Variants in FSD1 observed in about 807,000 individuals in gnomAD.
The protein encoded by FSD1 is fibronectin type III and SPRY domain-containing protein 1.
A neutral mutation model predicts 58.2 loss-of-function variants in FSD1; 23 were observed. That is an observed-to-expected ratio of 0.40 (90% CI 0.28 to 0.56). FSD1 has a LOEUF of 0.56. FSD1 is among the 20% of genes least tolerant of loss of function. The pLI, the probability that FSD1 is intolerant of heterozygous loss-of-function variation, is 0.54. For synonymous variants in FSD1, 265 were observed against 263.4 expected (o/e 1.01, Z -0.06); for missense variants, 563 against 670.8 (o/e 0.84, Z 1.78).
chr19:4,318,387 C>T lies in FSD1; in HGVS notation c.841C>T (p.Leu281=), dbSNP rs769033454. The T allele has an allele frequency of 2.5e-6, 4 of 1,613,912 alleles. No homozygotes were observed. Among genetic ancestry groups the T allele is most frequent in the Non-Finnish European group, 3.4e-6 (4 of 1,180,000 alleles). The change falls in exon 9 of 13, where the codon CTG becomes TTG. Residue 281 remains leucine (L), a synonymous_variant. Coordinates refer to ENST00000221856, the MANE Select transcript of FSD1 (RefSeq NM_024333.3). The part of the protein sequence containing the change: ...RLDASTSHQN[L]RVDDLSVEWD... ...GGATGCGTCCACATCCCACCAGAAC[C>T]TGCGGGTGGATGATCTCTCCGTGGA...
chr19:4,307,211 C>T (rs1426944993), intron 3 of FSD1, among the ~76,000 whole-genome samples: 2 of 152,122 alleles, frequency 1.3e-5, no homozygotes, highest in Admixed American at 6.6e-5. Flanking sequence ...GGTGCCACCA[C>T]GCCCAGCTCA....
At chr19:4,314,781 C>T (rs1004061700) in intron 7 of FSD1, among the ~76,000 whole-genome samples, 3 of 152,070 alleles carry the variant, frequency 2.0e-5, no homozygotes, top group African/African-American at 7.2e-5. Flanking sequence ...CACCACGCCC[C>T]GCCACATTTT....
intron 4 of FSD1, among the ~76,000 whole-genome samples, chr19:4,308,393 G>A (rs964571957): frequency 3.9e-5 from 6 of 152,078 alleles, no homozygotes; most frequent in African/African-American, 1.4e-4. Context: ...GGGCAACAGA[G>A]GGAGACTTCA....
intron 7 of FSD1, among the ~76,000 whole-genome samples, chr19:4,316,402 G>C (rs1971755890): frequency 7.0e-6 from 1 of 142,312 alleles, no homozygotes; most frequent in Non-Finnish European, 1.5e-5. Flanking sequence ...TATATTTTTA[G>C]TAGAGATGCG....
intron 1 of FSD1, among the ~76,000 whole-genome samples, 179 bp from the exon 2 acceptor site, chr19:4,305,767 G>A (rs943921678): frequency 6.6e-6 from 1 of 152,166 alleles, no homozygotes; most frequent in African/African-American, 2.4e-5. Context: ...CCAGGCTGAC[G>A]GGCTCACCTG....
intron 9 of FSD1, 97 bp from the exon 10 acceptor site, chr19:4,318,775 A>G (rs946567380): frequency 1.0e-6 from 1 of 982,706 alleles, no homozygotes; most frequent in African/African-American, 1.6e-5. Context: ...TTGACCCAAC[A>G]TCCACGGTGG....
At chr19:4,315,531 AT>A (rs1171816255) in intron 7 of FSD1, among the ~76,000 whole-genome samples, 2 of 145,360 alleles carry the variant, frequency 1.4e-5, no homozygotes, top group African/African-American at 5.1e-5. Context: ...GATGGTCTTG[AT>A]CTCCTGACCT....
In FSD1 at chr19:4,323,059, G is replaced by T. The variant is rs575078874; in HGVS notation, c.1113G>T (p.Val371=). The T allele has an allele frequency of 1.2e-6, 2 of 1,611,746 alleles. No homozygotes were observed. Among genetic ancestry groups the T allele is most frequent in the South Asian group, 2.2e-5 (2 of 91,050 alleles). ...AGCCGGACAGCAAGGCGTTCGGCGT[G>T]GGCGTGGCCTACCGCAGCCTGGGCC... The part of the protein sequence containing the change: ...RYEPDSKAFG[V]GVAYRSLGRF... The change falls in exon 11 of 13, where the codon GTG becomes GTT. Residue 371 remains valine, a synonymous_variant. Coordinates refer to ENST00000221856, the MANE Select transcript of FSD1 (RefSeq NM_024333.3). The surrounding 1 kb of genome is among the most constrained non-coding windows in gnomAD (Gnocchi z 7.7).
chr19:4,323,394 T>A lies in FSD1; in HGVS notation c.1338T>A (p.Thr446=). ...CCCGCACCAAACAAGTGCTGCACAC[T>A]TTCAAGACCAGGTTCACACAGCCGC... ...YNARTKQVLH[T]FKTRFTQPLL... The change falls in exon 12 of 13, where the codon ACT becomes ACA. Residue 446 remains threonine, a synonymous_variant. Transcript: ENST00000221856. This position sits in a 1 kb window ranked among gnomAD's most constrained non-coding sequence, Gnocchi z 7.7. 1.2e-6 allele frequency: 2 copies of A among 1,613,828 alleles called. No homozygotes were observed. Among genetic ancestry groups the A allele is most frequent in the Non-Finnish European group, 1.7e-6 (2 of 1,179,894 alleles).
rs1971596174 is a variant in FSD1, at chr19:4,304,714, GCGGGC to G, written c.-23_-19del. 1 of 1,223,374 alleles carries G rather than the reference GCGGGC, an allele frequency of 8.2e-7. No homozygotes were observed. Among genetic ancestry groups the G allele is most frequent in the African/African-American group, 1.6e-5 (1 of 64,248 alleles). The allele number at this position is 1,223,374 out of a possible 1,614,324, so 75.8% of individuals were successfully genotyped here. A position where few individuals can be genotyped will look rare whatever the true frequency, so the allele number is the denominator to read the frequency against. ...TGGGGACCCAGCGTGCGCGGGGCCC[GCGGGC>G]CGGGCCGGGGTGACCTGGGCTGCAG... On this transcript the variant is annotated 5_prime_UTR_variant, in exon 1 of 13. Transcript: ENST00000221856.
intron 7 of FSD1, among the ~76,000 whole-genome samples, 167 bp downstream of exon 7, chr19:4,312,218 G>A (rs1404783742): frequency 6.6e-6 from 1 of 152,240 alleles, no homozygotes; most frequent in Non-Finnish European, 1.5e-5. Flanking sequence ...GCCAGGCGCG[G>A]TGGCTCATGC....
At chr19:4,306,475 T>C (rs1971624025) in intron 3 of FSD1, 146 bp downstream of exon 3, 8 of 700,796 alleles carry the variant, frequency 1.1e-5, no homozygotes, top group Non-Finnish European at 1.8e-5. Context: ...ACTCTCTCTT[T>C]TTTTTTTTTG....
intron 1 of FSD1, 73 bp from the exon 2 acceptor site, chr19:4,305,873 C>A (rs796931389): frequency 1.8e-6 from 2 of 1,081,346 alleles, no homozygotes; most frequent in Non-Finnish European, 2.9e-6. Flanking sequence ...TGTACATGTG[C>A]GTACACGTGT....
intron 7 of FSD1, among the ~76,000 whole-genome samples, chr19:4,313,960 G>A (rs764384217): frequency 2.0e-5 from 3 of 151,422 alleles, no homozygotes; most frequent in South Asian, 2.1e-4. Context: ...CCTGGGAGGC[G>A]GAGGCTGCAG....
At chr19:4,319,639 G>C (rs556572051) in intron 10 of FSD1, among the ~76,000 whole-genome samples, 1 of 152,226 alleles carries the variant, frequency 6.6e-6, no homozygotes, top group African/African-American at 2.4e-5. Context: ...TGGTTCTATG[G>C]GGATCTAAAT....
intron 8 of FSD1, 98 bp from the exon 9 acceptor site, chr19:4,318,246 CCT>C: frequency 1.3e-6 from 2 of 1,486,086 alleles, no homozygotes; most frequent in Non-Finnish European, 1.9e-6. Context: ...ATTCTCTGTC[CCT>C]GTCTTGGTCT....
chr19:4,304,859 C>T (rs1039672854), intron 1 of FSD1, 98 bp downstream of exon 1: 9 of 553,788 alleles, frequency 1.6e-5, no homozygotes, highest in African/African-American at 1.4e-4. Context: ...CCCGCCTCCA[C>T]CCCAGCTGCT....
intron 4 of FSD1, among the ~76,000 whole-genome samples, chr19:4,309,733 C>A (rs566258947): frequency 6.6e-6 from 1 of 151,086 alleles, no homozygotes; most frequent in South Asian, 2.1e-4. Context: ...TACAGTGAAA[C>A]CCTATCTCTG....
intron 10 of FSD1, among the ~76,000 whole-genome samples, chr19:4,320,478 G>T (rs943740354): frequency 6.6e-6 from 1 of 152,084 alleles, no homozygotes; most frequent in African/African-American, 2.4e-5. Flanking sequence ...GAACTGAGGG[G>T]TATTTGGACA....
Sources: allele counts gnomAD v4.1 joint callset (sites outside exome capture counted in the v4.1 genomes callset), GRCh38; gene constraint gnomAD v4.1.1; non-coding constraint Gnocchi (gnomAD v3.1); transcripts MANE v1.5; gene names NCBI Gene and HGNC (gene_info 2026-07-23, HGNC 2026-07-21).